The following TIFA variants were observed in gnomAD, a reference collection of about 807,000 sequenced individuals.
TIFA encodes TRAF interacting protein with forkhead associated domain.
For missense variants in TIFA, 186 were observed against 215.2 expected (o/e 0.86, Z 0.85); for synonymous variants, 75 against 79.2 (o/e 0.95, Z 0.28).
At chr4:112,278,778 C>T (rs543461879) in intron 1 of TIFA, among the ~76,000 whole-genome samples, 1 of 151,748 alleles carries the variant, frequency 6.6e-6, no homozygotes, top group African/African-American at 2.4e-5. Context: ...TGACTTGAGC[C>T]CAGAGAAAAT....
chr4:112,275,811 A>G lies in TIFA; in HGVS notation c.*2051T>C, dbSNP rs1727100828. The G allele has an allele frequency of 6.6e-6, 1 of 152,216 alleles. No homozygotes were observed. Among genetic ancestry groups the G allele is most frequent in the South Asian group, 2.1e-4 (1 of 4,836 alleles). 9.4% of individuals were successfully genotyped at this position (152,216 alleles called of 1,614,324 possible). ...TTTATAACTTAGAAACACATTCATC[A>G]GCCTCAAAGACAAGAAACAGAGGTG... On this transcript the variant is annotated 3_prime_UTR_variant, in exon 2 of 2. Transcript: ENST00000361717.
At position 112,277,415 on chromosome 4, in the gene TIFA, A is replaced by G. The variant is rs1376872428; in HGVS notation, c.*447T>C. 3 of 157,298 alleles carry G rather than the reference A, an allele frequency of 1.9e-5. No homozygotes were observed. The highest frequency in any genetic ancestry group is 6.1e-5 in the Admixed American group (1 of 16,302). 9.7% of individuals were successfully genotyped at this position (157,298 alleles called of 1,614,324 possible). ...GCCTAGAACCTATTCCAGTACTGCA[A>G]GTACTGACAGGCTGCAAACACCAGT... On this transcript the variant is annotated 3_prime_UTR_variant, in exon 2 of 2. Coordinates refer to ENST00000361717, the MANE Select transcript of TIFA (RefSeq NM_052864.3).
rs1233789669 is a variant in TIFA at position 112,276,299 on chromosome 4, G to C, written c.*1563C>G. ...CTCCCCTTCCTCCCAGCAACAGCAA[G>C]TCAAGTCTGTCTCACACCTCATCAC... is the stretch of plus-strand genomic sequence containing the variant. On this transcript the variant is annotated 3_prime_UTR_variant, in exon 2 of 2. Transcript: ENST00000361717. 1.3e-5 allele frequency: 2 copies of C among 153,370 alleles called. No homozygotes were observed. The highest frequency in any genetic ancestry group is 4.8e-5 in the African/African-American group (2 of 41,436). 9.5% of individuals were successfully genotyped at this position (153,370 alleles called of 1,614,324 possible).
At position 112,275,971 on chromosome 4, in the gene TIFA, T is replaced by A. The variant is rs932325948; in HGVS notation, c.*1891A>T. 6.6e-6 allele frequency: 1 copy of A among 152,188 alleles called. No individual in the cohort carries two copies. Among genetic ancestry groups the A allele is most frequent in the Non-Finnish European group, 1.5e-5 (1 of 68,038 alleles). The allele number at this position is 152,188 out of a possible 1,614,324, so 9.4% of individuals were successfully genotyped here. A position where few individuals can be genotyped will look rare whatever the true frequency, so the allele number is the denominator to read the frequency against. On this transcript the variant is annotated 3_prime_UTR_variant, in exon 2 of 2. Coordinates refer to ENST00000361717, the MANE Select transcript of TIFA (RefSeq NM_052864.3). Reference sequence around the variant, plus strand: ...CGGGTGATCTGGCTGTAAACCCACATCAGACCAGAAGCTAAAATCCTAGAA... The same window carrying A: ...CGGGTGATCTGGCTGTAAACCCACAACAGACCAGAAGCTAAAATCCTAGAA...
chr4:112,285,864 C>T lies in TIFA; in HGVS notation c.-243G>A, dbSNP rs1442886308. The T allele has an allele frequency of 6.6e-6, 1 of 152,306 alleles. No individual in the cohort carries two copies. Among genetic ancestry groups the T allele is most frequent in the African/African-American group, 2.4e-5 (1 of 41,468 alleles). 9.4% of individuals were successfully genotyped at this position (152,306 alleles called of 1,614,324 possible). ...CGCGCGCGGCCTGCCTTCCCACTGG[C>T]TGGCAGAGCACGTCCTCTCGCGCCC... is the stretch of plus-strand genomic sequence containing the variant. On this transcript the variant is annotated 5_prime_UTR_variant, in exon 1 of 2. Coordinates refer to ENST00000361717, the MANE Select transcript of TIFA (RefSeq NM_052864.3).
rs183048558 is a variant in TIFA at position 112,285,583 on chromosome 4, G to A, written c.-19+57C>T. The A allele has an allele frequency of 7.3e-3, 1,117 of 152,370 alleles. 9 individuals carry two copies. Among genetic ancestry groups the A allele is most frequent in the Non-Finnish European group, 9.0e-3 (616 of 68,096 alleles). The allele number at this position is 152,370 out of a possible 1,614,324, so 9.4% of individuals were successfully genotyped here. On this transcript the variant is annotated intron_variant, in intron 1 of 1. Transcript: ENST00000361717. ...CTGGACAAAGCTGCTGTCTTTGCGG[G>A]ATAAACAGAAAAGGGCCAGTCCCCA... is the stretch of plus-strand genomic sequence containing the variant.
In TIFA at chr4:112,278,203, G is replaced by T; in HGVS notation, c.214C>A (p.Leu72Met). The T allele has an allele frequency of 3.1e-6, 5 of 1,613,350 alleles. No individual in the cohort carries two copies. The highest frequency in any genetic ancestry group is 4.2e-6 in the Non-Finnish European group (5 of 1,179,802). The change falls in exon 2 of 2, where the codon CTG becomes ATG. Residue 72 changes from leucine (L) to methionine (M), a missense_variant. Coordinates refer to ENST00000361717, the MANE Select transcript of TIFA (RefSeq NM_052864.3). ...DKQVSRVQFS[L>M]QLFKKFNSSV... Reference sequence around the variant, plus strand: ...CTGTTGAATTTTTTAAACAGCTGCAGAGAAAACTGAACTCGGGAAACCTGT... The same window carrying T: ...CTGTTGAATTTTTTAAACAGCTGCATAGAAAACTGAACTCGGGAAACCTGT...
Position 112,277,989 on chromosome 4 carries a change from A to G in TIFA, c.428T>C (p.Leu143Ser). The change falls in exon 2 of 2, where the codon TTA (leucine) becomes TCA (serine). Residue 143 changes from leucine (L) to serine (S), a missense_variant. Transcript: ENST00000361717. Reference protein sequence around the residue: ...SLEFFETQFILSPRSLLQENN... With the variant: ...SLEFFETQFISSPRSLLQENN... ...TTCTTGCAAGAGTGATCTTGGAGAT[A>G]AAATAAATTGAGTCTCAAAAAATTC... 2 of 1,614,102 alleles carry G rather than the reference A, an allele frequency of 1.2e-6. No homozygotes were observed. Among genetic ancestry groups the G allele is most frequent in the South Asian group, 1.1e-5 (1 of 91,082 alleles).
At position 112,280,493 on chromosome 4, in the gene TIFA, G is replaced by C. The variant is rs371536832; in HGVS notation, c.-18-2059C>G. 1.8e-4 allele frequency among the ~76,000 whole-genome samples: 28 copies of C among 151,702 alleles called. No individual in the cohort carries two copies. In the East Asian group the frequency reaches 5.3e-3, roughly 28 times the overall value. On this transcript the variant is annotated intron_variant, in intron 1 of 1. Transcript: ENST00000361717. The stretch of plus-strand genomic sequence containing the variant: ...GCCTCCCGAGTAGGTGGGACTACAA[G>C]TGTGCGCCACCACTCCCAGCTAATT...
In TIFA at chr4:112,277,669, A is replaced by AGC; in HGVS notation, c.*192_*193insGC. 4.7e-6 allele frequency: 2 copies of AGC among 426,022 alleles called. No homozygotes were observed. The highest frequency in any genetic ancestry group is 3.9e-5 in the East Asian group (1 of 25,626). The allele number at this position is 426,022 out of a possible 1,614,324, so 26.4% of individuals were successfully genotyped here. A position where few individuals can be genotyped will look rare whatever the true frequency, so the allele number is the denominator to read the frequency against. On this transcript the variant is annotated 3_prime_UTR_variant, in exon 2 of 2. Coordinates refer to ENST00000361717, the MANE Select transcript of TIFA (RefSeq NM_052864.3). Reference sequence around the variant, plus strand: ...GAGCAGTTAAAATAATTTTGTGTAGATCCAGAATACAACAGGTGACTAAGT... The same window carrying AGC: ...GAGCAGTTAAAATAATTTTGTGTAGAGCTCCAGAATACAACAGGTGACTAAGT...
chr4:112,281,549 G>A (rs1212456901), intron 1 of TIFA: 2 of 152,168 alleles, frequency 1.3e-5, no homozygotes, highest in African/African-American at 4.8e-5. Flanking sequence ...CAAACACTGA[G>A]GCAGACTGCT....
In TIFA at chr4:112,277,724, A is replaced by G; in HGVS notation, c.*138T>C. 1 of 648,712 alleles carries G rather than the reference A, an allele frequency of 1.5e-6. No homozygotes were observed. The highest frequency in any genetic ancestry group is 2.1e-6 in the Non-Finnish European group (1 of 481,604). 40.2% of individuals were successfully genotyped at this position (648,712 alleles called of 1,614,324 possible). On this transcript the variant is annotated 3_prime_UTR_variant, in exon 2 of 2. Coordinates refer to ENST00000361717, the MANE Select transcript of TIFA (RefSeq NM_052864.3). Reference sequence around the variant, plus strand: ...GACTAACACAATTTACAGACTTCAAAATGATAATACTGAATTCCAAATTTC... The same window carrying G: ...GACTAACACAATTTACAGACTTCAAGATGATAATACTGAATTCCAAATTTC...
intron 1 of TIFA, 41 bp downstream of exon 1, chr4:112,285,598 GC>G (rs994390971): frequency 4.6e-5 from 7 of 152,226 alleles, no homozygotes; most frequent in African/African-American, 1.4e-4. Context: ...ACAGAAAAGG[GC>G]CAGTCCCCAC....
chr4:112,277,679 C>G lies in TIFA; in HGVS notation c.*183G>C. 8.2e-6 allele frequency: 3 copies of G among 367,574 alleles called. No homozygotes were observed. The highest frequency in any genetic ancestry group is 1.3e-5 in the Non-Finnish European group (3 of 223,416). The allele number at this position is 367,574 out of a possible 1,614,324, so 22.8% of individuals were successfully genotyped here. On this transcript the variant is annotated 3_prime_UTR_variant, in exon 2 of 2. Coordinates refer to ENST00000361717, the MANE Select transcript of TIFA (RefSeq NM_052864.3). ...AATAATTTTGTGTAGATCCAGAATA[C>G]AACAGGTGACTAAGTTAATGACTAA...
At position 112,277,428 on chromosome 4, in the gene TIFA, T is replaced by A. The variant is rs978014434; in HGVS notation, c.*434A>T. ...TCCAGTACTGCAAGTACTGACAGGCTGCAAACACCAGTAACAACCTGCCTG... is the reference window on the plus strand; with the variant it reads ...TCCAGTACTGCAAGTACTGACAGGCAGCAAACACCAGTAACAACCTGCCTG... On this transcript the variant is annotated 3_prime_UTR_variant, in exon 2 of 2. Coordinates refer to ENST00000361717, the MANE Select transcript of TIFA (RefSeq NM_052864.3). 1 of 157,920 alleles carries A rather than the reference T, an allele frequency of 6.3e-6. No individual in the cohort carries two copies. Among genetic ancestry groups the A allele is most frequent in the Non-Finnish European group, 1.4e-5 (1 of 71,500 alleles). The allele number at this position is 157,920 out of a possible 1,614,324, so 9.8% of individuals were successfully genotyped here.
intron 1 of TIFA, among the ~76,000 whole-genome samples, chr4:112,278,691 C>T (rs982479047): frequency 2.6e-5 from 4 of 152,052 alleles, no homozygotes; most frequent in African/African-American, 4.8e-5. Flanking sequence ...CAGACAATAA[C>T]AAAGAATGAT....
In TIFA at chr4:112,277,513, G is replaced by T. The variant is rs141101915; in HGVS notation, c.*349C>A. ...ACTGATGTGACCAAACCAAGAGATG[G>T]TTCCTTACAAAAACAAAGCAAAACA... is the stretch of plus-strand genomic sequence containing the variant. On this transcript the variant is annotated 3_prime_UTR_variant, in exon 2 of 2. Coordinates refer to ENST00000361717, the MANE Select transcript of TIFA (RefSeq NM_052864.3). 5.5e-6 allele frequency: 1 copy of T among 181,572 alleles called. No homozygotes were observed. Among genetic ancestry groups the T allele is most frequent in the East Asian group, 1.5e-4 (1 of 6,470 alleles). The allele number at this position is 181,572 out of a possible 1,614,324, so 11.2% of individuals were successfully genotyped here.
chr4:112,284,937 C>A (rs1038208709), intron 1 of TIFA, among the ~76,000 whole-genome samples: 1 of 151,388 alleles, frequency 6.6e-6, no homozygotes, highest in East Asian at 1.9e-4. Context: ...CAGGAGGAAA[C>A]CCTTAGGAAA....
chr4:112,284,874 G>A (rs1449773208), intron 1 of TIFA, among the ~76,000 whole-genome samples: 2 of 143,532 alleles, frequency 1.4e-5, no homozygotes, highest in Admixed American at 7.2e-5. Context: ...AAAACCACAG[G>A]TCTTGCAAAA....
Sources: gnomAD v4.1 joint callset for allele counts (sites outside exome capture counted in the v4.1 genomes callset) on GRCh38, gnomAD v4.1.1 for gene constraint, MANE v1.5 for transcripts, NCBI Gene and HGNC (gene_info 2026-07-23, HGNC 2026-07-21) for gene names.